Variants in MIDEAS observed in about 807,000 individuals in gnomAD.
The protein encoded by MIDEAS is mitotic deacetylase-associated SANT domain protein.
MIDEAS carries 26 observed loss-of-function variants against 102.7 expected under a neutral mutation model. The ratio of observed to expected loss-of-function variants is 0.25; its 90% CI spans 0.19 to 0.35. The LOEUF is 0.35. MIDEAS is among the 10% of genes least tolerant of loss of function. MIDEAS has a pLI of 1.00. For synonymous variants in MIDEAS, 585 were observed against 591.0 expected, an observed-to-expected ratio of 0.99 and a Z score of 0.15; for missense variants, 1,231 against 1,435.6, an observed-to-expected ratio of 0.86 and a Z score of 2.30.
intron 1 of MIDEAS, among the ~76,000 whole-genome samples, chr14:73,756,438 C>T (rs1049504266): frequency 6.6e-6 from 1 of 152,194 alleles, no homozygotes; most frequent in Non-Finnish European, 1.5e-5. Context: ...GCTTCGAATG[C>T]AAATGCAGGT....
At chr14:73,762,515 A>C (rs1201825967), upstream of MIDEAS, among the ~76,000 whole-genome samples, 2 of 152,242 alleles carry the variant, frequency 1.3e-5, no homozygotes, top group East Asian at 3.8e-4. Flanking sequence ...AGGAGGGCTC[A>C]AGACTATACC....
intron 1 of MIDEAS, among the ~76,000 whole-genome samples, chr14:73,772,756 T>G (rs2053652708): frequency 6.6e-6 from 1 of 151,498 alleles, no homozygotes; most frequent in Non-Finnish European, 1.5e-5. Context: ...TACTAATAGA[T>G]CAAAGGAAAT....
At chr14:73,747,515 TTCACAGAACTCATGACTGAGGAG>T (rs1214920278) in intron 1 of MIDEAS, among the ~76,000 whole-genome samples, 5 of 152,214 alleles carry the variant, frequency 3.3e-5, no homozygotes, top group African/African-American at 1.2e-4. Context: ...CTTGTCCCAG[TTCACAGAACTCATGACTGAGGAG>T]TCAAGATTCA....
chr14:73,753,603 C>T (rs2053448059), intron 1 of MIDEAS, among the ~76,000 whole-genome samples: 1 of 152,194 alleles, frequency 6.6e-6, no homozygotes, highest in Non-Finnish European at 1.5e-5. Context: ...AGGGGTGGCT[C>T]AGACATCGTT....
chr14:73,740,414 AG>A (rs2053268431), intron 1 of MIDEAS, among the ~76,000 whole-genome samples, 159 bp from the exon 2 acceptor site: 1 of 152,174 alleles, frequency 6.6e-6, no homozygotes, highest in South Asian at 2.1e-4. Context: ...GTGAGGCAGG[AG>A]CCAGGACTTT....
chr14:73,771,453 G>T (rs942501993), intron 1 of MIDEAS, among the ~76,000 whole-genome samples: 10 of 152,098 alleles, frequency 6.6e-5, no homozygotes, highest in Non-Finnish European at 1.5e-4. Flanking sequence ...CACATTCCTG[G>T]GCTGGTCACA....
upstream of MIDEAS, chr14:73,789,729 C>G (rs1174239706): frequency 6.6e-6 from 1 of 152,230 alleles, no homozygotes; most frequent in Non-Finnish European, 1.5e-5. Context: ...GCTCTCAGTC[C>G]TTTTGCAGAG....
At chr14:73,731,390 C>A (rs1355880040) in intron 3 of MIDEAS, among the ~76,000 whole-genome samples, 1 of 152,178 alleles carries the variant, frequency 6.6e-6, no homozygotes. Flanking sequence ...CTTCACCCAT[C>A]TGTGCCCTCT....
chr14:73,747,825 C>A (rs866925318), intron 1 of MIDEAS, among the ~76,000 whole-genome samples: 12 of 152,100 alleles, frequency 7.9e-5, no homozygotes, highest in Non-Finnish European at 1.6e-4. Flanking sequence ...CCAGGACCCA[C>A]CACTCCCCAT....
rs375271612 is a variant in MIDEAS at position 73,719,119 on chromosome 14, G to A, written c.3135-111C>T. On this transcript the variant is annotated intron_variant, in intron 12 of 12. Coordinates refer to ENST00000423556, the MANE Select transcript of MIDEAS (RefSeq NM_001367710.1). The stretch of plus-strand genomic sequence containing the variant: ...CTTCACCCCCACGCTGCACAGCCGC[G>A]GCCGGCCAGCTCGCGTCATTTTCCG... 2,641 of 1,460,496 alleles carry A rather than the reference G, an allele frequency of 1.8e-3. 73 individuals are homozygous for A. In the South Asian group the frequency reaches 0.034, roughly 19 times the overall value. The allele number at this position is 1,460,496 out of a possible 1,614,324, so 90.5% of individuals were successfully genotyped here. A position where few individuals can be genotyped will look rare whatever the true frequency, so the allele number is the denominator to read the frequency against.
chr14:73,756,462 T>C lies in MIDEAS; in HGVS notation c.-248+3301A>G, dbSNP rs889658470. On this transcript the variant is annotated intron_variant, in intron 1 of 12. Transcript: ENST00000423556. Reference sequence around the variant, plus strand: ...GCAAATGCAGGTCCCTTAGTAAGAATTGGGGATTTCAGCCTACTCCACCCT... The same window carrying C: ...GCAAATGCAGGTCCCTTAGTAAGAACTGGGGATTTCAGCCTACTCCACCCT... Among the ~76,000 whole-genome samples, 10 of 152,150 alleles carry C rather than the reference T, an allele frequency of 6.6e-5. No individual in the cohort carries two copies. The East Asian group carries it at 1.2e-3, about 18-fold the overall frequency.
chr14:73,753,644 T>C (rs1180543070), intron 1 of MIDEAS, among the ~76,000 whole-genome samples: 1 of 152,182 alleles, frequency 6.6e-6, no homozygotes, highest in Non-Finnish European at 1.5e-5. Context: ...AGGAAATGAA[T>C]AGTCCAACTC....
chr14:73,719,758 G>A (rs1476491295), intron 11 of MIDEAS, among the ~76,000 whole-genome samples: 2 of 151,402 alleles, frequency 1.3e-5, no homozygotes, highest in African/African-American at 4.8e-5. Context: ...GCCTTGATGC[G>A]CCTGACAGGG....
rs1424343254 is a variant in MIDEAS, at chr14:73,718,930, C to T, written c.3213G>A (p.Arg1071=). The change falls in exon 13 of 13, where the codon AGG becomes AGA. Residue 1071 remains arginine (R), a synonymous_variant. Coordinates refer to ENST00000423556, the MANE Select transcript of MIDEAS (RefSeq NM_001367710.1). ...AEQEKKAAAL[R]LKEKEAAAAA... ...CAGCAGCGGCCTCTTTCTCCTTCAG[C>T]CTCAGCGCTGCAGCCTTCTTCTCCT... is the stretch of plus-strand genomic sequence containing the variant. 1 of 1,526,772 alleles carries T rather than the reference C, an allele frequency of 6.5e-7. No homozygotes were observed. 94.6% of individuals were successfully genotyped at this position (1,526,772 alleles called of 1,614,324 possible). A position where few individuals can be genotyped will look rare whatever the true frequency, so the allele number is the denominator to read the frequency against.
chr14:73,730,586 G>C (rs1044785093), intron 3 of MIDEAS, among the ~76,000 whole-genome samples: 48 of 152,308 alleles, frequency 3.2e-4, no homozygotes, highest in African/African-American at 1.1e-3. Context: ...AATATTGGCT[G>C]TTATCACTAC....
chr14:73,733,284 A>C (rs2053161934), intron 3 of MIDEAS, among the ~76,000 whole-genome samples: 1 of 151,940 alleles, frequency 6.6e-6, no homozygotes, highest in East Asian at 1.9e-4. Flanking sequence ...TCTCATTTCA[A>C]CCTCTGATTA....
intron 3 of MIDEAS, 150 bp downstream of exon 3, chr14:73,736,848 T>C (rs1476971402): frequency 1.4e-6 from 1 of 729,242 alleles, no homozygotes; most frequent in Non-Finnish European, 2.2e-6. Context: ...TCTGGACGTC[T>C]GTCCAGAAGT....
intron 1 of MIDEAS, among the ~76,000 whole-genome samples, chr14:73,747,240 C>T (rs900203535): frequency 1.3e-5 from 2 of 152,170 alleles, no homozygotes; most frequent in African/African-American, 4.8e-5. Flanking sequence ...CTGGAGACAA[C>T]ATGATCCAAG....
intron 9 of MIDEAS, chr14:73,724,565 G>A (rs1277335742): frequency 6.6e-6 from 1 of 152,552 alleles, no homozygotes; most frequent in Non-Finnish European, 1.5e-5. Flanking sequence ...CAGGGCCCTT[G>A]TAGGGGAATT....
Sources: allele counts gnomAD v4.1 joint callset (sites outside exome capture counted in the v4.1 genomes callset), GRCh38; gene constraint gnomAD v4.1.1; transcripts MANE v1.5; gene names NCBI Gene and HGNC (gene_info 2026-07-23, HGNC 2026-07-21).